SLC12A9: variants seen among roughly 807,000 people sequenced by gnomAD.
SLC12A9 encodes the protein CCC-interacting protein 1.
In SLC12A9, 55 loss-of-function variants were observed where a neutral mutation model predicts 66.0. The ratio of observed to expected loss-of-function variants is 0.83; its 90% CI spans 0.67 to 1.04. The LOEUF is 1.04. Ranked by LOEUF, SLC12A9 falls within the 50% of genes least tolerant of loss-of-function variation. The pLI, the probability that SLC12A9 is intolerant of heterozygous loss-of-function variation, is 0.00. For synonymous variants in SLC12A9, 577 were observed against 569.0 expected (o/e 1.01, Z -0.20); for missense variants, 1,061 against 1,241.9 (o/e 0.85, Z 2.19).
chr7:100,840,030 A>G (rs942658209), intron 1 of SLC12A9, among the ~76,000 whole-genome samples: 41 of 151,512 alleles, frequency 2.7e-4, no homozygotes, highest in Non-Finnish European at 5.6e-4. Flanking sequence ...CTGTACCGGC[A>G]CTTTAGTTTT....
At chr7:100,836,230 G>A (rs980475210) in intron 1 of SLC12A9, among the ~76,000 whole-genome samples, 1 of 152,222 alleles carries the variant, frequency 6.6e-6, no homozygotes, top group African/African-American at 2.4e-5. Context: ...TTTGTGGCTG[G>A]AGGCCAGGAT....
intron 1 of SLC12A9, among the ~76,000 whole-genome samples, chr7:100,834,168 G>T (rs1406936690): frequency 1.3e-5 from 2 of 152,032 alleles, no homozygotes; most frequent in Admixed American, 1.3e-4. Flanking sequence ...TGCAGAAGGT[G>T]ATGATGTCTG....
chr7:100,865,266 T>A, intron 13 of SLC12A9: 1 of 1,535,734 alleles, frequency 6.5e-7, no homozygotes. Flanking sequence ...CCTGGTCCAT[T>A]TTTTCATCTT....
chr7:100,830,027 C>T (rs1813511928), intron 1 of SLC12A9, among the ~76,000 whole-genome samples: 1 of 150,584 alleles, frequency 6.6e-6, no homozygotes, highest in East Asian at 1.9e-4. Flanking sequence ...CACTCTGTCT[C>T]CAAAAAATAT....
intron 1 of SLC12A9, among the ~76,000 whole-genome samples, chr7:100,842,970 C>T (rs1196120493): frequency 2.0e-5 from 3 of 152,266 alleles, no homozygotes; most frequent in African/African-American, 7.2e-5. Flanking sequence ...ACTAAGTTCA[C>T]TTCGTATCTC....
At chr7:100,830,225 G>T (rs1474077802) in intron 1 of SLC12A9, among the ~76,000 whole-genome samples, 1 of 150,970 alleles carries the variant, frequency 6.6e-6, no homozygotes, top group Non-Finnish European at 1.5e-5. Flanking sequence ...GGTGGTGCAG[G>T]CCTGCAGTCC....
Position 100,866,554 on chromosome 7 carries a change from C to T in SLC12A9, c.2694C>T (p.Gly898=), listed in dbSNP as rs773076940. The T allele has an allele frequency of 1.3e-6, 2 of 1,587,386 alleles. No individual in the cohort carries two copies. Among genetic ancestry groups the T allele is most frequent in the African/African-American group, 2.7e-5 (2 of 74,644 alleles). Residue 898 remains glycine (G), a synonymous_variant, in exon 14 of 14, where the codon GGC becomes GGT. Coordinates refer to ENST00000354161, the MANE Select transcript of SLC12A9 (RefSeq NM_020246.4). The surrounding 1 kb of genome is among the most constrained non-coding windows in gnomAD (Gnocchi z 7.3). ...ALLETLTRDL[G]PTLLVHGVTP... ...TGGAGACTCTAACCCGAGACCTGGG[C>T]CCCACGCTGCTGGTTCATGGGGTCA...
At chr7:100,829,627 C>T (rs1297577965) in intron 1 of SLC12A9, among the ~76,000 whole-genome samples, 1 of 152,082 alleles carries the variant, frequency 6.6e-6, no homozygotes, top group Admixed American at 6.6e-5. Flanking sequence ...CCCAGTCTCC[C>T]CTTCTCTTAT....
At position 100,834,765 on chromosome 7, in the gene SLC12A9, C is replaced by T. The variant is rs537908546; in HGVS notation, n.228+7718C>T. On this transcript the variant is annotated intron_variant and non_coding_transcript_variant, in intron 1 of 1. Coordinates refer to the SLC12A9 transcript ENST00000461016. ...GAGCACGCCTGTGGTCCCAGCTGTT[C>T]GGGGGGCTGAGGTGAGAGGATCACC... Among the ~76,000 whole-genome samples the T allele has an allele frequency of 1.4e-4, 22 of 152,046 alleles. No homozygotes were observed. The East Asian group carries it at 2.3e-3, about 16-fold the overall frequency.
intron 1 of SLC12A9, among the ~76,000 whole-genome samples, chr7:100,833,601 G>GA (rs1813586135): frequency 1.3e-5 from 2 of 151,906 alleles, no homozygotes; most frequent in Admixed American, 1.3e-4. Flanking sequence ...GAGCCCAGGA[G>GA]TTCCAGGCCA....
At position 100,854,341 on chromosome 7, in the gene SLC12A9, C is replaced by T; in HGVS notation, c.144C>T (p.Val48=). The T allele has an allele frequency of 6.2e-7, 1 of 1,613,532 alleles. No individual in the cohort carries two copies. Among genetic ancestry groups the T allele is most frequent in the Non-Finnish European group, 8.5e-7 (1 of 1,179,846 alleles). The part of the protein sequence containing the change: ...STFLGVVVPT[V]LSMFSIVVFL... Reference sequence around the variant, plus strand: ...TCCTGGGTGTGGTGGTGCCCACTGTCCTGTCCATGTTCAGCATAGTTGTTT... The same window carrying T: ...TCCTGGGTGTGGTGGTGCCCACTGTTCTGTCCATGTTCAGCATAGTTGTTT... Residue 48 remains valine, a synonymous_variant, in exon 2 of 14, where the codon GTC becomes GTT. Transcript: ENST00000354161.
intron 1 of SLC12A9, among the ~76,000 whole-genome samples, chr7:100,834,119 G>T (rs1250126743): frequency 1.3e-5 from 2 of 152,058 alleles, no homozygotes; most frequent in African/African-American, 4.8e-5. Context: ...ACAGGATCAC[G>T]CAGGAAGCAC....
At chr7:100,860,661 T>C in intron 9 of SLC12A9, 1 of 367,144 alleles carries the variant, frequency 2.7e-6, no homozygotes, top group South Asian at 2.2e-5. Context: ...GCATTGGCCC[T>C]TTCTGGGGAT....
Position 100,854,699 on chromosome 7 carries a change from C to T in SLC12A9, c.261C>T (p.Val87=), listed in dbSNP as rs1401683015. 1.9e-6 allele frequency: 3 copies of T among 1,614,080 alleles called. No individual in the cohort carries two copies. The highest frequency in any genetic ancestry group is 2.5e-6 in the Non-Finnish European group (3 of 1,180,002). Residue 87 remains valine (V), a synonymous_variant, in exon 3 of 14, where the codon GTC becomes GTT. Coordinates refer to ENST00000354161, the MANE Select transcript of SLC12A9 (RefSeq NM_020246.4). ...LVAYFILALT[V]LSVCAIATNG... is the part of the protein sequence containing the mutation. ...CCTACTTCATCCTGGCACTCACCGT[C>T]CTCTCTGTCTGTGCCATCGCCACCA...
At chr7:100,855,065 G>A (rs941058610) in intron 3 of SLC12A9, among the ~76,000 whole-genome samples, 16 of 152,152 alleles carry the variant, frequency 1.1e-4, no homozygotes, top group Admixed American at 9.2e-4. Flanking sequence ...TCGGGAGGCT[G>A]AGGCACGAGA....
intron 4 of SLC12A9, 69 bp from the exon 5 acceptor site, chr7:100,856,799 G>A (rs1034622408): frequency 2.9e-5 from 42 of 1,431,270 alleles, no homozygotes; most frequent in Admixed American, 4.4e-5. Context: ...GATGTGAGCC[G>A]CCCACCATGC....
intron 5 of SLC12A9, chr7:100,857,469 A>C (rs1562991005): frequency 2.5e-6 from 1 of 405,638 alleles, no homozygotes; most frequent in Non-Finnish European, 4.5e-6. Context: ...TGACTTAAAC[A>C]GATCAGGATC....
chr7:100,857,457 C>A, intron 5 of SLC12A9: 4 of 482,338 alleles, frequency 8.3e-6, no homozygotes, highest in Non-Finnish European at 1.5e-5. Context: ...AATGGCCCAG[C>A]ATGACTTAAA....
chr7:100,841,220 G>A (rs537970215), intron 1 of SLC12A9, among the ~76,000 whole-genome samples: 2 of 150,464 alleles, frequency 1.3e-5, no homozygotes, highest in African/African-American at 2.4e-5. Context: ...AATTGTCTGC[G>A]AAAACCATGA....
Sources: allele counts gnomAD v4.1 joint callset (sites outside exome capture counted in the v4.1 genomes callset), GRCh38; gene constraint gnomAD v4.1.1; non-coding constraint Gnocchi (gnomAD v3.1); transcripts MANE v1.5; gene names NCBI Gene and HGNC (gene_info 2026-07-23, HGNC 2026-07-21).